NRXN3: variants seen among roughly 807,000 people sequenced by gnomAD.
The protein encoded by NRXN3 is neurexin III.
NRXN3 carries 32 observed loss-of-function variants against 137.6 expected under a neutral mutation model. The ratio of observed to expected loss-of-function variants is 0.23; its 90% confidence interval spans 0.18 to 0.31. The LOEUF (loss-of-function observed/expected upper bound fraction) is 0.31. NRXN3 is among the 10% of genes least tolerant of loss of function. The pLI, the probability that NRXN3 is intolerant of heterozygous loss-of-function variation, is 1.00. For synonymous variants in NRXN3, 798 were observed against 784.5 expected (o/e 1.02, Z -0.29); for missense variants, 1,574 against 2,062.5 (o/e 0.76, Z 4.59).
At chr14:79,067,245 C>A (rs993723302) in intron 15 of NRXN3, among the ~76,000 whole-genome samples, 7 of 152,008 alleles carry the variant, frequency 4.6e-5, no homozygotes, top group African/African-American at 1.7e-4. Flanking sequence ...GTCTTTAGTT[C>A]TGTTAATATG....
chr14:79,656,886 A>G (rs1488793606), intron 16 of NRXN3, among the ~76,000 whole-genome samples: 1 of 152,140 alleles, frequency 6.6e-6, no homozygotes, highest in African/African-American at 2.4e-5. Flanking sequence ...GCCATTTAAT[A>G]TGAATTTTCT....
At position 79,204,761 on chromosome 14, in the gene NRXN3, G is replaced by A. The variant is rs562959957; in HGVS notation, c.3262+216620G>A. Reference sequence around the variant, plus strand: ...ACTCCTGATTGCTTCCCCTGGCACAGGTAGAGGTACTTATGCACAGGGAAG... The same window carrying A: ...ACTCCTGATTGCTTCCCCTGGCACAAGTAGAGGTACTTATGCACAGGGAAG... On this transcript the variant is annotated intron_variant, in intron 15 of 20. Coordinates refer to ENST00000335750, the MANE Select transcript of NRXN3 (RefSeq NM_001330195.2). Among the ~76,000 whole-genome samples, 5 of 152,250 alleles carry A rather than the reference G, an allele frequency of 3.3e-5. No individual in the cohort carries two copies. In the East Asian group the frequency reaches 7.7e-4, roughly 24 times the overall value.
At chr14:78,793,648 G>C (rs2153057663) in intron 8 of NRXN3, among the ~76,000 whole-genome samples, 1 of 152,274 alleles carries the variant, frequency 6.6e-6, no homozygotes, top group East Asian at 1.9e-4. Context: ...AACCAGGGAA[G>C]CAACCCTGGA....
At chr14:79,034,060 C>T (rs1003463271) in intron 15 of NRXN3, among the ~76,000 whole-genome samples, 2 of 152,032 alleles carry the variant, frequency 1.3e-5, no homozygotes, top group South Asian at 2.1e-4. Flanking sequence ...TTTAGGATTT[C>T]TTATCACCCA....
At chr14:79,726,806 C>T (rs1603450768) in intron 19 of NRXN3, among the ~76,000 whole-genome samples, 1 of 152,112 alleles carries the variant, frequency 6.6e-6, no homozygotes, top group Non-Finnish European at 1.5e-5. Flanking sequence ...TTTTGTTGTT[C>T]TCTGAAGATT....
At chr14:78,749,211 C>A (rs1329282548) in intron 8 of NRXN3, among the ~76,000 whole-genome samples, 1 of 152,120 alleles carries the variant, frequency 6.6e-6, no homozygotes, top group Non-Finnish European at 1.5e-5. Flanking sequence ...TGGACATGGG[C>A]CCTGTGGTAA....
Position 78,847,013 on chromosome 14 carries a change from A to C in NRXN3, c.2275+36669A>C, listed in dbSNP as rs557576084. Among the ~76,000 whole-genome samples, 177 of 152,218 alleles carry C rather than the reference A, an allele frequency of 1.2e-3. 1 individual carries two copies. Among genetic ancestry groups the C allele is most frequent in the Non-Finnish European group, 2.1e-3 (144 of 67,988 alleles). ...TGTCTCTGATGTTACAAGTTAATCC[A>C]TACAGTGCACATGTGGTCCCTCACT... is the stretch of plus-strand genomic sequence containing the variant. On this transcript the variant is annotated intron_variant, in intron 10 of 20. Transcript: ENST00000335750.
At chr14:79,212,779 C>A (rs773603962) in intron 15 of NRXN3, among the ~76,000 whole-genome samples, 20 of 150,448 alleles carry the variant, frequency 1.3e-4, no homozygotes, top group Middle Eastern at 3.5e-3. Flanking sequence ...TTCTCAGAGC[C>A]TTAAAAAAAA....
chr14:78,826,220 C>A (rs975752118), intron 10 of NRXN3, among the ~76,000 whole-genome samples: 1 of 152,056 alleles, frequency 6.6e-6, no homozygotes, highest in Non-Finnish European at 1.5e-5. Flanking sequence ...AAAGCTTTTT[C>A]CTTTCTTTCT....
At chr14:78,225,984 T>TTG (rs879263945) in intron 1 of NRXN3, among the ~76,000 whole-genome samples, 4,152 of 134,650 alleles carry the variant, frequency 0.031, 74 homozygotes, top group Non-Finnish European at 0.046. Flanking sequence ...GGTGTGTGTG[T>TTG]GTGTGTGTGT....
At chr14:79,489,171 G>C (rs1386195331) in intron 16 of NRXN3, among the ~76,000 whole-genome samples, 1 of 152,128 alleles carries the variant, frequency 6.6e-6, no homozygotes, top group Non-Finnish European at 1.5e-5. Context: ...TTTAGAAGCT[G>C]AGTTGTGTTG....
intron 4 of NRXN3, among the ~76,000 whole-genome samples, chr14:78,558,363 C>T (rs2096757842): frequency 6.6e-6 from 1 of 152,210 alleles, no homozygotes; most frequent in African/African-American, 2.4e-5. Flanking sequence ...TGTTATCCAA[C>T]AGTTCTAACA....
intron 4 of NRXN3, among the ~76,000 whole-genome samples, chr14:78,397,969 C>A (rs1250684011): frequency 6.6e-6 from 1 of 150,478 alleles, no homozygotes; most frequent in Non-Finnish European, 1.5e-5. Context: ...AATCGCAGCA[C>A]TTTGGGAGGC....
intron 15 of NRXN3, among the ~76,000 whole-genome samples, chr14:79,072,936 A>G (rs2099689981): frequency 7.0e-6 from 1 of 143,734 alleles, no homozygotes; most frequent in African/African-American, 2.6e-5. Flanking sequence ...CCCAGGCTGG[A>G]GTGCAGTGGT....
intron 15 of NRXN3, among the ~76,000 whole-genome samples, chr14:79,216,455 G>A (rs1474841284): frequency 3.3e-5 from 5 of 152,164 alleles, no homozygotes; most frequent in Non-Finnish European, 7.4e-5. Context: ...TCTTTGCGCA[G>A]GAGAGTCAAG....
chr14:78,284,961 G>A (rs1394691507), intron 3 of NRXN3, among the ~76,000 whole-genome samples: 1 of 152,224 alleles, frequency 6.6e-6, no homozygotes, highest in Admixed American at 6.5e-5. Context: ...AAGGTCAGAA[G>A]CAGGGATGGT....
chr14:79,770,616 T>A (rs2139757996), intron 19 of NRXN3, among the ~76,000 whole-genome samples: 1 of 149,616 alleles, frequency 6.7e-6, no homozygotes, highest in East Asian at 2.0e-4. Flanking sequence ...CTGGGACACA[T>A]TCAAAGCAGT....
At chr14:78,722,597 G>A (rs1461330014) in intron 8 of NRXN3, among the ~76,000 whole-genome samples, 1 of 152,116 alleles carries the variant, frequency 6.6e-6, no homozygotes, top group African/African-American at 2.4e-5. Context: ...AAAAAATGAT[G>A]TGCCTTCTCT....
At chr14:78,264,825 T>C (rs28407917) in intron 2 of NRXN3, among the ~76,000 whole-genome samples, 8,522 of 152,306 alleles carry the variant, frequency 0.056, 300 homozygotes, top group African/African-American at 0.09. Flanking sequence ...TCAGCCAGTG[T>C]AGTGGGTCTA....
Sources: allele counts gnomAD v4.1 joint callset (sites outside exome capture counted in the v4.1 genomes callset), GRCh38; gene constraint gnomAD v4.1.1; transcripts MANE v1.5; gene names NCBI Gene and HGNC (gene_info 2026-07-23, HGNC 2026-07-21).